Variants in STX1A observed in about 807,000 individuals in gnomAD.
STX1A encodes the protein syntaxin 1A, also known as syntaxin-1A.
Under a neutral mutation model 37.8 loss-of-function variants are expected in STX1A, and 4 were observed. That is an observed-to-expected ratio of 0.11 (90% CI 0.05 to 0.24). The LOEUF is 0.24. STX1A is among the 10% of genes least tolerant of loss of function. STX1A has a pLI of 1.00. For synonymous variants in STX1A, 135 were observed against 147.4 expected, an observed-to-expected ratio of 0.92 and a Z score of 0.61; for missense variants, 251 against 399.9, an observed-to-expected ratio of 0.63 and a Z score of 3.18.
chr7:73,703,992 GC>G, intron 6 of STX1A, 155 bp downstream of exon 6: 1 of 786,206 alleles, frequency 1.3e-6, no homozygotes, highest in Non-Finnish European at 1.8e-6. Context: ...GCCGCCTCAG[GC>G]CCCCGCCCCT....
At chr7:73,714,979 G>T (rs1554618492) in intron 1 of STX1A, among the ~76,000 whole-genome samples, 1 of 152,062 alleles carries the variant, frequency 6.6e-6, no homozygotes, top group African/African-American at 2.4e-5. Flanking sequence ...ACAAAAATTA[G>T]CCGGGTGTGA....
Position 73,709,790 on chromosome 7 carries a change from CCTA to C in STX1A, c.31-671_31-669del. Among the ~76,000 whole-genome samples, 1 of 152,178 alleles carries C rather than the reference CCTA, an allele frequency of 6.6e-6. No homozygotes were observed. The highest frequency in any genetic ancestry group is 1.5e-5 in the Non-Finnish European group (1 of 68,034). Reference sequence around the variant, plus strand: ...AGTGGGCCCTATAAGGGGAGACCTGCCTACTGTGTCCCAGCCCTGGGCACCACT... The same window carrying C: ...AGTGGGCCCTATAAGGGGAGACCTGCCTGTGTCCCAGCCCTGGGCACCACT... On this transcript the variant is annotated intron_variant, in intron 1 of 9. Transcript: ENST00000222812. The surrounding 1 kb of genome is among the most constrained non-coding windows in gnomAD (Gnocchi z 4.2).
rs373330016 is a variant in STX1A, at chr7:73,703,826, C to A, written c.469G>T (p.Gly157Cys). The change falls in exon 7 of 10, where the codon GGC (glycine) becomes TGC (cysteine). Residue 157 changes from glycine (G) to cysteine (C), a missense_variant and splice_region_variant. Gly to Cys is a radical substitution (Grantham distance 159). This residue lies in a region of STX1A where 214 missense variants were observed against 367.6 expected (regional missense o/e 0.58). Transcript: ENST00000222812. Reference protein sequence around the residue: ...GRIQRQLEITGRTTTSEELED... With the variant: ...GRIQRQLEITCRTTTSEELED... ...AGCTCCTCACTGGTCGTGGTCCTGC[C>A]GGCTGCAAGCGAGTGGGGTCACACT... 1 of 1,613,264 alleles carries A rather than the reference C, an allele frequency of 6.2e-7. No individual in the cohort carries two copies. Among genetic ancestry groups the A allele is most frequent in the Non-Finnish European group, 8.5e-7 (1 of 1,179,754 alleles).
At chr7:73,707,647 C>T (rs1006723041) in intron 3 of STX1A, among the ~76,000 whole-genome samples, 1 of 152,152 alleles carries the variant, frequency 6.6e-6, no homozygotes, top group East Asian at 1.9e-4. Context: ...AAAATACCTT[C>T]TTGGGGCTGG....
rs1436033551 is a variant in STX1A, at chr7:73,706,638, A to C, written c.209-1414T>G. 1.3e-5 allele frequency among the ~76,000 whole-genome samples: 2 copies of C among 152,040 alleles called. No individual in the cohort carries two copies. Among genetic ancestry groups the C allele is most frequent in the Non-Finnish European group, 2.9e-5 (2 of 67,986 alleles). On this transcript the variant is annotated intron_variant, in intron 3 of 9. Coordinates refer to ENST00000222812, the MANE Select transcript of STX1A (RefSeq NM_004603.4). The surrounding 1 kb of genome is among the most constrained non-coding windows in gnomAD (Gnocchi z 4.6). ...TGCAGGAGGTGGCCTGCAGGAGCCCAAGGTGTGGAGCAGACAGCTCTGCTG... is the reference window on the plus strand; with the variant it reads ...TGCAGGAGGTGGCCTGCAGGAGCCCCAGGTGTGGAGCAGACAGCTCTGCTG...
chr7:73,715,851 G>A lies in STX1A; in HGVS notation c.30+3751C>T, dbSNP rs561033881. ...GCCCGGAGCTGAGTCAGGGGTGTGC[G>A]AGAGGCCAAGCTGGGTCTCCAGGAA... On this transcript the variant is annotated intron_variant, in intron 1 of 9. Transcript: ENST00000222812. Among the ~76,000 whole-genome samples, 6 of 152,326 alleles carry A rather than the reference G, an allele frequency of 3.9e-5. No homozygotes were observed. In the East Asian group the frequency reaches 5.8e-4, roughly 15 times the overall value.
Position 73,702,750 on chromosome 7 carries a change from C to T in STX1A, c.678+95G>A. On this transcript the variant is annotated intron_variant, in intron 8 of 9. Coordinates refer to ENST00000222812, the MANE Select transcript of STX1A (RefSeq NM_004603.4). The surrounding 1 kb of genome is among the most constrained non-coding windows in gnomAD (Gnocchi z 4.7). ...GTTACCTGAGAACTTGGTCCCTCCCCGGCAGGGCAGCGTGTCGGGCAGAAA... is the reference window on the plus strand; with the variant it reads ...GTTACCTGAGAACTTGGTCCCTCCCTGGCAGGGCAGCGTGTCGGGCAGAAA... 6.3e-7 allele frequency: 1 copy of T among 1,594,274 alleles called. No homozygotes were observed. Among genetic ancestry groups the T allele is most frequent in the Non-Finnish European group, 8.6e-7 (1 of 1,167,410 alleles).
intron 4 of STX1A, chr7:73,704,754 G>C (rs1798809959): frequency 2.0e-6 from 1 of 512,150 alleles, no homozygotes; most frequent in Non-Finnish European, 3.6e-6. Flanking sequence ...ACAGCGGGGA[G>C]AGCCAGGTGG....
rs996409251 is a variant in STX1A, at chr7:73,705,057, C to T, written c.283+93G>A. The stretch of plus-strand genomic sequence containing the variant: ...CCTCAGAAAGGAAAGCAAGATCCGG[C>T]GCACCCCCTCAGGGCGAGCAAAACC... On this transcript the variant is annotated intron_variant, in intron 4 of 9. Transcript: ENST00000222812. The surrounding 1 kb of genome is among the most constrained non-coding windows in gnomAD (Gnocchi z 5.2). The T allele has an allele frequency of 3.7e-5, 45 of 1,214,652 alleles. No homozygotes were observed. Among genetic ancestry groups the T allele is most frequent in the African/African-American group, 3.0e-4 (20 of 66,988 alleles). 75.2% of individuals were successfully genotyped at this position (1,214,652 alleles called of 1,614,324 possible).
Position 73,700,945 on chromosome 7 carries a change from G to C in STX1A, c.679-105C>G. 1 of 1,550,558 alleles carries C rather than the reference G, an allele frequency of 6.4e-7. No individual in the cohort carries two copies. The highest frequency in any genetic ancestry group is 8.7e-7 in the Non-Finnish European group (1 of 1,153,268). On this transcript the variant is annotated intron_variant, in intron 8 of 9. Transcript: ENST00000222812. The surrounding 1 kb of genome is among the most constrained non-coding windows in gnomAD (Gnocchi z 4.4). ...AGCACCCTGAGGCTAGAGACAAAAA[G>C]GGGGCGTGAGGAGGTTAGGGTACAG...
At chr7:73,710,312 T>G (rs1554617765) in intron 1 of STX1A, among the ~76,000 whole-genome samples, 1 of 152,276 alleles carries the variant, frequency 6.6e-6, no homozygotes, top group African/African-American at 2.4e-5. Flanking sequence ...CCCACGCTGC[T>G]GGCAAGGCCA....
intron 8 of STX1A, among the ~76,000 whole-genome samples, chr7:73,701,943 C>A (rs926134712): frequency 6.6e-6 from 1 of 152,178 alleles, no homozygotes; most frequent in Admixed American, 6.6e-5. Context: ...ACAAAACAAA[C>A]AACCCAAACC....
At chr7:73,716,509 A>T (rs970598620) in intron 1 of STX1A, 1 of 152,464 alleles carries the variant, frequency 6.6e-6, no homozygotes, top group African/African-American at 2.4e-5. Context: ...TGTCAGGACC[A>T]CCTGCTATTC....
At chr7:73,703,984 C>G (rs1798769138) in intron 6 of STX1A, 156 bp from the exon 7 acceptor site, 1 of 1,004,472 alleles carries the variant, frequency 1.0e-6, no homozygotes, top group Non-Finnish European at 1.4e-6. Flanking sequence ...ACACAGCAGC[C>G]GCCTCAGGCC....
At chr7:73,713,856 T>G (rs574813412) in intron 1 of STX1A, among the ~76,000 whole-genome samples, 1 of 152,338 alleles carries the variant, frequency 6.6e-6, no homozygotes, top group African/African-American at 2.4e-5. Flanking sequence ...AGTTGGGGAC[T>G]TGGAACCCTT....
chr7:73,707,991 C>T (rs1424889320), intron 3 of STX1A, among the ~76,000 whole-genome samples: 5 of 150,436 alleles, frequency 3.3e-5, no homozygotes, highest in East Asian at 2.0e-4. Context: ...TTCGGCTGGG[C>T]GCGGTGGCTC....
rs924522732 is a variant in STX1A, at chr7:73,706,591, A to C, written c.209-1367T>G. The stretch of plus-strand genomic sequence containing the variant: ...TCAGAACCGGTCCCTATGACTGTGC[A>C]TGACACCGCAGCAGGAGACGGTGCA... On this transcript the variant is annotated intron_variant, in intron 3 of 9. Transcript: ENST00000222812. The surrounding 1 kb of genome is among the most constrained non-coding windows in gnomAD (Gnocchi z 4.6). Among the ~76,000 whole-genome samples the C allele has an allele frequency of 7.2e-5, 11 of 152,108 alleles. No individual in the cohort carries two copies. Among genetic ancestry groups the C allele is most frequent in the African/African-American group, 1.4e-4 (6 of 41,416 alleles).
At chr7:73,703,285 C>T in intron 7 of STX1A, 1 of 549,700 alleles carries the variant, frequency 1.8e-6, no homozygotes, top group Non-Finnish European at 3.3e-6. Context: ...CCGAAGTTGA[C>T]TGCCCCGTGG....
At chr7:73,716,136 C>T (rs1799281086) in intron 1 of STX1A, among the ~76,000 whole-genome samples, 1 of 152,252 alleles carries the variant, frequency 6.6e-6, no homozygotes, top group Non-Finnish European at 1.5e-5. Flanking sequence ...GTTCCACCTG[C>T]ACCCCAGATG....
Sources: allele counts gnomAD v4.1 joint callset (sites outside exome capture counted in the v4.1 genomes callset), GRCh38; gene constraint gnomAD v4.1.1; regional missense constraint gnomAD v4.1.1; non-coding constraint Gnocchi (gnomAD v3.1); transcripts MANE v1.5; gene names NCBI Gene and HGNC (gene_info 2026-07-23, HGNC 2026-07-21).